VPS54: variants seen among roughly 807,000 people sequenced by gnomAD.
VPS54 encodes vacuolar protein sorting-associated protein 54.
VPS54 carries 45 observed loss-of-function variants against 121.5 expected under a neutral mutation model. The observed-to-expected ratio is 0.37, with a 90% CI of 0.29 to 0.47. The LOEUF is 0.47. Ranked by LOEUF, VPS54 falls within the 20% of genes least tolerant of loss-of-function variation. The pLI, the probability that VPS54 is intolerant of heterozygous loss-of-function variation, is 0.99. For synonymous variants in VPS54, 371 were observed against 385.8 expected, an observed-to-expected ratio of 0.96 and a Z score of 0.45; for missense variants, 1,090 against 1,131.4, an observed-to-expected ratio of 0.96 and a Z score of 0.52.
chr2:63,958,524 G>A (rs1675603165), intron 7 of VPS54, among the ~76,000 whole-genome samples: 1 of 152,042 alleles, frequency 6.6e-6, no homozygotes, highest in African/African-American at 2.4e-5. Context: ...AACCAGTCTG[G>A]GCAACACAGC....
intron 2 of VPS54, 82 bp from the exon 3 acceptor site, chr2:63,981,969 T>C: frequency 7.0e-7 from 1 of 1,436,360 alleles, no homozygotes; most frequent in Non-Finnish European, 9.2e-7. Flanking sequence ...AAACTAAAAA[T>C]GCACAGATTC....
chr2:63,902,596 A>ACT (rs1178054166), intron 20 of VPS54, among the ~76,000 whole-genome samples: 1 of 152,204 alleles, frequency 6.6e-6, no homozygotes, highest in African/African-American at 2.4e-5. Flanking sequence ...ACAATATCCC[A>ACT]CTGTCAAGAA....
At chr2:63,943,674 A>G (rs1457925495) in intron 10 of VPS54, among the ~76,000 whole-genome samples, 1 of 151,492 alleles carries the variant, frequency 6.6e-6, no homozygotes, top group Non-Finnish European at 1.5e-5. Flanking sequence ...TATTATCACT[A>G]TTCTTCTTAA....
chr2:63,962,475 C>A lies in VPS54; in HGVS notation c.625-32G>T, dbSNP rs777363700. 6.4e-6 allele frequency: 10 copies of A among 1,565,250 alleles called. No homozygotes were observed. The East Asian group carries it at 2.3e-4, about 35-fold the overall frequency. ...AGAGAAGGAAAAAAAATATGAAGTA[C>A]TATGAGCATACCTTCCTTGATTATC... On this transcript the variant is annotated intron_variant, in intron 6 of 22. Coordinates refer to ENST00000272322, the MANE Select transcript of VPS54 (RefSeq NM_016516.3).
At chr2:63,944,354 C>G (rs1233585152) in intron 10 of VPS54, among the ~76,000 whole-genome samples, 3 of 152,128 alleles carry the variant, frequency 2.0e-5, no homozygotes, top group Non-Finnish European at 4.4e-5. Flanking sequence ...TTTCTCCTGT[C>G]TCTCTCAAGG....
At chr2:63,976,825 CTTTTTT>C (rs1174931536) in intron 3 of VPS54, among the ~76,000 whole-genome samples, 1 of 89,680 alleles carries the variant, frequency 1.1e-5, no homozygotes, top group African/African-American at 4.1e-5. Flanking sequence ...TATATCTTCT[CTTTTTT>C]TTTTTTTTTT....
At chr2:63,968,839 C>T (rs115315393) in intron 5 of VPS54, 118 bp downstream of exon 5, 11,315 of 790,356 alleles carry the variant, frequency 0.014, 122 homozygotes, top group Non-Finnish European at 0.014. Flanking sequence ...CACAGCCCCA[C>T]AAGAGACAAA....
chr2:63,927,101 G>A (rs1673941460), intron 12 of VPS54, among the ~76,000 whole-genome samples: 3 of 152,196 alleles, frequency 2.0e-5, no homozygotes, highest in African/African-American at 7.2e-5. Flanking sequence ...AAAGGCAGCA[G>A]ACAGCTTCTC....
intron 3 of VPS54, chr2:63,975,639 T>C (rs1676489540): frequency 6.6e-6 from 1 of 152,272 alleles, no homozygotes; most frequent in Non-Finnish European, 1.5e-5. Flanking sequence ...TATGATATCA[T>C]CGCTGACCTG....
At chr2:63,936,039 T>A (rs1236378795) in intron 11 of VPS54, among the ~76,000 whole-genome samples, 1 of 152,160 alleles carries the variant, frequency 6.6e-6, no homozygotes, top group African/African-American at 2.4e-5. Context: ...ACAGAGAAAC[T>A]AAGCTGGAGA....
intron 22 of VPS54, among the ~76,000 whole-genome samples, chr2:63,894,246 C>T (rs764202577): frequency 1.3e-5 from 2 of 152,158 alleles, no homozygotes; most frequent in Non-Finnish European, 2.9e-5. Flanking sequence ...CAATACCTAA[C>T]AATATGAAAA....
chr2:63,902,231 G>T lies in VPS54; in HGVS notation c.2626-2650C>A, dbSNP rs146967680. 3.8e-3 allele frequency among the ~76,000 whole-genome samples: 582 copies of T among 152,228 alleles called. 17 individuals carry two copies. The highest frequency in any genetic ancestry group is 1.0e-3 in the Non-Finnish European group (68 of 67,998). ...GCCTAGCAATGAGAGTCTGGAGAAAGACTCCTATTCTGTAGTGGAGATGTA... is the reference window on the plus strand; with the variant it reads ...GCCTAGCAATGAGAGTCTGGAGAAATACTCCTATTCTGTAGTGGAGATGTA... On this transcript the variant is annotated intron_variant, in intron 20 of 22. Coordinates refer to ENST00000272322, the MANE Select transcript of VPS54 (RefSeq NM_016516.3).
At chr2:63,913,016 T>A (rs967163834) in intron 18 of VPS54, among the ~76,000 whole-genome samples, 1 of 152,180 alleles carries the variant, frequency 6.6e-6, no homozygotes, top group Non-Finnish European at 1.5e-5. Context: ...AAGTAACTTA[T>A]ACTTGGAGGG....
intron 4 of VPS54, among the ~76,000 whole-genome samples, chr2:63,971,617 A>C (rs376847817): frequency 4.6e-5 from 7 of 152,350 alleles, no homozygotes; most frequent in African/African-American, 1.7e-4. Context: ...AAACACATGT[A>C]ATCACTGTCA....
chr2:63,960,530 G>A (rs921171585), intron 7 of VPS54, among the ~76,000 whole-genome samples: 3 of 152,092 alleles, frequency 2.0e-5, no homozygotes, highest in African/African-American at 4.8e-5. Flanking sequence ...GTAAAAATTA[G>A]AACAATTTGA....
At chr2:63,964,629 T>C (rs543975372) in intron 6 of VPS54, among the ~76,000 whole-genome samples, 6 of 152,294 alleles carry the variant, frequency 3.9e-5, no homozygotes, top group Admixed American at 1.3e-4. Context: ...TAGGTGACAA[T>C]GTTGCCAAAG....
chr2:63,995,336 T>C (rs888228631), intron 1 of VPS54, among the ~76,000 whole-genome samples: 2 of 152,246 alleles, frequency 1.3e-5, no homozygotes, highest in African/African-American at 4.8e-5. Context: ...ACTCCCATTT[T>C]GACTCCAGGA....
intron 6 of VPS54, among the ~76,000 whole-genome samples, chr2:63,964,897 C>G (rs534574452): frequency 6.6e-6 from 1 of 152,224 alleles, no homozygotes; most frequent in South Asian, 2.1e-4. Context: ...TAAGAAAGAA[C>G]AGAGATCAAA....
chr2:64,001,184 C>G (rs1396220826), intron 1 of VPS54, among the ~76,000 whole-genome samples: 1 of 152,158 alleles, frequency 6.6e-6, no homozygotes, highest in African/African-American at 2.4e-5. Flanking sequence ...GGAGTACTGC[C>G]AGGCTACTGT....
Sources: allele counts gnomAD v4.1 joint callset (sites outside exome capture counted in the v4.1 genomes callset), GRCh38; gene constraint gnomAD v4.1.1; transcripts MANE v1.5; gene names NCBI Gene and HGNC (gene_info 2026-07-23, HGNC 2026-07-21).